The following NPIPA8 variants were observed in gnomAD, a reference collection of about 807,000 sequenced individuals.
The protein encoded by NPIPA8 is nuclear pore complex interacting protein family member A8.
Under a neutral mutation model 7.1 loss-of-function variants are expected in NPIPA8, and 1 was observed. The observed-to-expected ratio is 0.14, with a 90% CI of 0.05 to 0.66. NPIPA8 has a LOEUF of 0.66. Among genes scored for constraint, NPIPA8 ranks in the 30% least tolerant of loss-of-function variants. NPIPA8 has a pLI of 0.84.
At chr16:18,323,819 G>GAAAAAAAA (rs1162097124) in intron 4 of NPIPA8, among the ~76,000 whole-genome samples, 31 of 33,154 alleles carry the variant, frequency 9.4e-4, no homozygotes, top group East Asian at 5.9e-3. Flanking sequence ...CCCATCTCAG[G>GAAAAAAAA]AAAAAAAAAA....
rs1179477695 is a variant in NPIPA8, at chr16:18,324,677, C to T, written c.193-179G>A. ...AAAATTAGCCGGGCATGGCAGTGGGCGCCTGTAATCCGAGCTACTCGGGAG... is the reference window on the plus strand; with the variant it reads ...AAAATTAGCCGGGCATGGCAGTGGGTGCCTGTAATCCGAGCTACTCGGGAG... On this transcript the variant is annotated intron_variant, in intron 2 of 7. Transcript: ENST00000541810. Among the ~76,000 whole-genome samples, 5 of 73,240 alleles carry T rather than the reference C, an allele frequency of 6.8e-5. 2 individuals carry two copies. The highest frequency in any genetic ancestry group is 4.2e-4 in the Admixed American group (3 of 7,064). The allele number at this position is 73,240 out of a possible 152,430, so 48.0% of individuals were successfully genotyped here. A position where few individuals can be genotyped will look rare whatever the true frequency, so the allele number is the denominator to read the frequency against.
upstream of NPIPA8, among the ~76,000 whole-genome samples, chr16:18,335,637 C>T (rs1317966949): frequency 1.6e-4 from 17 of 105,768 alleles, no homozygotes; most frequent in South Asian, 3.1e-4. Flanking sequence ...TGCATGTAAC[C>T]TCTTGAGGAC....
chr16:18,335,455 C>G (rs1316284630), upstream of NPIPA8, among the ~76,000 whole-genome samples: 1 of 118,654 alleles, frequency 8.4e-6, no homozygotes, highest in Non-Finnish European at 1.8e-5. Context: ...CCGCCTCCGC[C>G]TCCCAAAGTG....
chr16:18,335,945 C>G (rs1385003697), upstream of NPIPA8, among the ~76,000 whole-genome samples: 1 of 150,168 alleles, frequency 6.7e-6, no homozygotes, highest in Non-Finnish European at 1.5e-5. Flanking sequence ...CTCAGCCTCT[C>G]GAGTAGCTGG....
chr16:18,335,911 C>G (rs1452129750), upstream of NPIPA8, among the ~76,000 whole-genome samples: 1 of 145,950 alleles, frequency 6.9e-6, no homozygotes, highest in Non-Finnish European at 1.5e-5. Context: ...AGCTCCGCCT[C>G]CTGGGTTCAT....
At chr16:18,323,865 T>A in intron 4 of NPIPA8, among the ~76,000 whole-genome samples, 3 of 99,978 alleles carry the variant, frequency 3.0e-5, no homozygotes, top group Admixed American at 1.2e-4. Flanking sequence ...GGAAAACCAA[T>A]GCCAGTACTA....
chr16:18,335,743 T>C (rs1345387729), upstream of NPIPA8, among the ~76,000 whole-genome samples: 12 of 129,522 alleles, frequency 9.3e-5, no homozygotes, highest in Non-Finnish European at 1.8e-4. Flanking sequence ...CTGTGAAGGA[T>C]TGGTGTTAAT....
At chr16:18,336,137 T>A (rs1342252324), upstream of NPIPA8, among the ~76,000 whole-genome samples, 543 of 127,272 alleles carry the variant, frequency 4.3e-3, no homozygotes, top group South Asian at 0.015. Flanking sequence ...TAATGTTTTA[T>A]ATAGATGGGG....
At chr16:18,323,847 A>AAAAAAAAAGAG (rs750129798) in intron 4 of NPIPA8, among the ~76,000 whole-genome samples, 7 of 91,582 alleles carry the variant, frequency 7.6e-5, no homozygotes, top group East Asian at 3.5e-4. Flanking sequence ...AAAAAAAAAA[A>AAAAAAAAAGAG]AGAGAAAGGA....
At chr16:18,335,830 T>C (rs1451806356), upstream of NPIPA8, among the ~76,000 whole-genome samples, 1 of 133,470 alleles carries the variant, frequency 7.5e-6, no homozygotes, top group Non-Finnish European at 1.6e-5. Flanking sequence ...TTTTTTTTTC[T>C]TTTTTTTGGA....
chr16:18,336,009 A>G (rs1317856637), upstream of NPIPA8, among the ~76,000 whole-genome samples: 2 of 151,730 alleles, frequency 1.3e-5, no homozygotes, highest in African/African-American at 2.4e-5. Context: ...TGTAGTAGAG[A>G]CAGGGTTTCA....
rs1340556652 is a variant in NPIPA8, at chr16:18,324,760, C to A, written c.193-262G>T. On this transcript the variant is annotated intron_variant, in intron 2 of 7. Transcript: ENST00000541810. ...CGGAGTTTGCAGTGAGCCGAGATCA[C>A]ACCACTGCACTCCAGCCTGAGCGAC... Among the ~76,000 whole-genome samples the A allele has an allele frequency of 1.6e-4, 12 of 73,580 alleles. 1 individual carries two copies. The South Asian group carries it at 4.5e-3, about 27-fold the overall frequency. The allele number at this position is 73,580 out of a possible 152,430, so 48.3% of individuals were successfully genotyped here. A position where few individuals can be genotyped will look rare whatever the true frequency, so the allele number is the denominator to read the frequency against.
intron 2 of NPIPA8, among the ~76,000 whole-genome samples, chr16:18,324,952 T>C (rs1470367920): frequency 1.3e-5 from 1 of 79,608 alleles, no homozygotes. Context: ...CTCACCAACA[T>C]GGAGAAACGC....
rs1158473125 is a variant in NPIPA8 at position 18,325,076 on chromosome 16, G to T, written c.193-578C>A. On this transcript the variant is annotated intron_variant, in intron 2 of 7. Transcript: ENST00000541810. Reference sequence around the variant, plus strand: ...TTGAATCCAGCAGGAAAAGGTTGTGGTGAGCTGAGATTGTGCCATTGCACT... The same window carrying T: ...TTGAATCCAGCAGGAAAAGGTTGTGTTGAGCTGAGATTGTGCCATTGCACT... Among the ~76,000 whole-genome samples the T allele has an allele frequency of 1.6e-4, 11 of 69,128 alleles. 1 individual carries two copies. Among genetic ancestry groups the T allele is most frequent in the South Asian group, 4.9e-4 (1 of 2,044 alleles). The allele number at this position is 69,128 out of a possible 152,430, so 45.4% of individuals were successfully genotyped here.
upstream of NPIPA8, among the ~76,000 whole-genome samples, chr16:18,336,101 C>T (rs1170685966): frequency 4.1e-5 from 6 of 148,082 alleles, no homozygotes; most frequent in East Asian, 8.3e-4. Flanking sequence ...GGATTACAGG[C>T]GTGAGCCACC....
intron 2 of NPIPA8, among the ~76,000 whole-genome samples, chr16:18,325,041 G>A (rs1900101474): frequency 1.5e-5 from 1 of 67,886 alleles, no homozygotes; most frequent in Non-Finnish European, 2.8e-5. Flanking sequence ...GGCTGAGGCA[G>A]GAGAATCACT....
upstream of NPIPA8, among the ~76,000 whole-genome samples, chr16:18,336,044 A>T (rs980223217): frequency 1.3e-5 from 2 of 151,500 alleles, no homozygotes; most frequent in African/African-American, 4.9e-5. Flanking sequence ...CTGGTCTCGA[A>T]CTCCTGACCT....
chr16:18,336,298 C>T (rs1900180639), upstream of NPIPA8, among the ~76,000 whole-genome samples: 1 of 109,144 alleles, frequency 9.2e-6, no homozygotes, highest in African/African-American at 4.0e-5. Flanking sequence ...TCTTCACTTG[C>T]TATAGATGTA....
At chr16:18,324,800 T>TCA (rs529158643) in intron 2 of NPIPA8, among the ~76,000 whole-genome samples, 13,866 of 58,338 alleles carry the variant, frequency 0.24, 2,992 homozygotes, top group Non-Finnish European at 0.29. Flanking sequence ...TGAGACTCTG[T>TCA]CACACACACA....
Sources: allele counts gnomAD v4.1 joint callset (sites outside exome capture counted in the v4.1 genomes callset), GRCh38; gene constraint gnomAD v4.1.1; transcripts MANE v1.5; gene names NCBI Gene and HGNC (gene_info 2026-07-23, HGNC 2026-07-21).